ARHGEF11: variants seen among roughly 807,000 people sequenced by gnomAD.
ARHGEF11 encodes the protein Rho guanine nucleotide exchange factor 11.
Under a neutral mutation model 193.7 loss-of-function variants are expected in ARHGEF11, and 55 were observed. The observed-to-expected ratio is 0.28, with a 90% CI of 0.23 to 0.36. ARHGEF11 has a LOEUF of 0.36. Ranked by LOEUF, ARHGEF11 falls within the 10% of genes least tolerant of loss-of-function variation. ARHGEF11 has a pLI of 1.00. For missense variants in ARHGEF11, 1,723 were observed against 2,005.6 expected (o/e 0.86, Z 2.69); for synonymous variants, 693 against 768.0 (o/e 0.90, Z 1.62).
At chr1:156,962,030 C>G (rs1444663784) in intron 13 of ARHGEF11, among the ~76,000 whole-genome samples, 1 of 152,180 alleles carries the variant, frequency 6.6e-6, no homozygotes, top group African/African-American at 2.4e-5. Context: ...ATTTCAGAAA[C>G]CTGTGGTAAA....
At chr1:156,936,480 GAAAAAAAA>G (rs35863393) in intron 40 of ARHGEF11, among the ~76,000 whole-genome samples, 6 of 48,020 alleles carry the variant, frequency 1.2e-4, no homozygotes, top group African/African-American at 3.5e-4. Flanking sequence ...CAAATAAATA[GAAAAAAAA>G]AAAAAAAAAA....
In ARHGEF11 at chr1:156,948,959, G is replaced by A; in HGVS notation, c.1926-461C>T. ...CGGGTCAGCTCCCACCTTTAACTCT[G>A]CCTGAGGCGAACCTCTTTTAAGAGG... On this transcript the variant is annotated intron_variant, in intron 22 of 40. Coordinates refer to ENST00000368194, the MANE Select transcript of ARHGEF11 (RefSeq NM_198236.3). The surrounding 1 kb of genome is among the most constrained non-coding windows in gnomAD (Gnocchi z 4.2). The A allele has an allele frequency of 1.0e-6, 1 of 985,392 alleles. No homozygotes were observed. Among genetic ancestry groups the A allele is most frequent in the Non-Finnish European group, 1.2e-6 (1 of 829,936 alleles). The allele number at this position is 985,392 out of a possible 1,614,324, so 61.0% of individuals were successfully genotyped here. A position where few individuals can be genotyped will look rare whatever the true frequency, so the allele number is the denominator to read the frequency against.
In ARHGEF11 at chr1:156,978,329, T is replaced by C; in HGVS notation, c.385A>G (p.Ile129Val). ...GATGGGTCCTGCTGGAGCCCAGAGATGCCCATGGATGAAGGTGAAGAGCCC... is the reference window on the plus strand; with the variant it reads ...GATGGGTCCTGCTGGAGCCCAGAGACGCCCATGGATGAAGGTGAAGAGCCC... ...LLGSSPSSMG[I>V]SGLQQDPSPA... is the part of the protein sequence containing the mutation. The change falls in exon 6 of 41, where the codon ATC becomes GTC. Residue 129 changes from isoleucine (I) to valine (V), a missense_variant. Physicochemically the swap from Ile to Val is conservative, Grantham distance 29 (BLOSUM62 3). Coordinates refer to ENST00000368194, the MANE Select transcript of ARHGEF11 (RefSeq NM_198236.3). The C allele has an allele frequency of 1.2e-6, 2 of 1,613,870 alleles. No homozygotes were observed. The highest frequency in any genetic ancestry group is 1.7e-6 in the Non-Finnish European group (2 of 1,179,894).
chr1:156,964,206 T>G (rs954078626), intron 11 of ARHGEF11, among the ~76,000 whole-genome samples: 2 of 152,194 alleles, frequency 1.3e-5, no homozygotes, highest in Non-Finnish European at 2.9e-5. Context: ...CTGTCTAAAA[T>G]CCAAATTTCT....
intron 1 of ARHGEF11, among the ~76,000 whole-genome samples, chr1:156,989,927 G>A (rs1262673133): frequency 6.6e-6 from 1 of 151,952 alleles, no homozygotes; most frequent in East Asian, 1.9e-4. Flanking sequence ...CCCTATTTTA[G>A]CCTATATCCC....
chr1:156,951,744 G>A (rs1325003549), intron 21 of ARHGEF11, 45 bp from the exon 22 acceptor site: 3 of 1,611,644 alleles, frequency 1.9e-6, no homozygotes, highest in Non-Finnish European at 2.5e-6. Context: ...TGCTGTTCAG[G>A]GATGGCTTCT....
At chr1:156,967,208 T>C (rs1048444859) in intron 11 of ARHGEF11, among the ~76,000 whole-genome samples, 2 of 152,238 alleles carry the variant, frequency 1.3e-5, no homozygotes, top group African/African-American at 4.8e-5. Context: ...TTCCTTGAGA[T>C]GAATTTAAGT....
At chr1:156,953,298 G>T (rs933429393) in intron 21 of ARHGEF11, among the ~76,000 whole-genome samples, 1 of 152,174 alleles carries the variant, frequency 6.6e-6, no homozygotes, top group African/African-American at 2.4e-5. Flanking sequence ...AATTAGCCAG[G>T]TGTGGTGATA....
In ARHGEF11 at chr1:157,032,610, C is replaced by T. The variant is rs775712018; in HGVS notation, c.32+11689G>A. Among the ~76,000 whole-genome samples, 9 of 152,322 alleles carry T rather than the reference C, an allele frequency of 5.9e-5. No individual in the cohort carries two copies. In the Middle Eastern group the frequency reaches 0.01, roughly 173 times the overall value. ...CTACCTTGAAAAAATTAAAGTCCTA[C>T]CTGACAGGACCAGGAGCGACATTTT... On this transcript the variant is annotated intron_variant, in intron 1 of 40. Transcript: ENST00000368194.
chr1:156,952,094 T>C (rs923028741), intron 21 of ARHGEF11, among the ~76,000 whole-genome samples: 12 of 152,156 alleles, frequency 7.9e-5, no homozygotes, highest in African/African-American at 2.7e-4. Context: ...TTTGGCCATG[T>C]TGCCAAAATA....
intron 1 of ARHGEF11, among the ~76,000 whole-genome samples, chr1:157,000,686 C>T (rs1337113913): frequency 6.6e-6 from 1 of 152,194 alleles, no homozygotes; most frequent in African/African-American, 2.4e-5. Flanking sequence ...TGAGGTTAAA[C>T]CATCAAATGG....
chr1:156,958,299 AGTTC>A (rs1338438674), intron 17 of ARHGEF11, among the ~76,000 whole-genome samples: 1 of 152,242 alleles, frequency 6.6e-6, no homozygotes, highest in Non-Finnish European at 1.5e-5. Flanking sequence ...ATATTGCACT[AGTTC>A]AGTTTTCTGA....
Position 156,936,031 on chromosome 1 carries a change from G to C in ARHGEF11, c.4658C>G (p.Thr1553Arg), listed in dbSNP as rs144132614. Residue 1553 changes from threonine to arginine, a missense_variant, in exon 41 of 41, where the codon ACA (threonine) becomes AGA (arginine). Thr to Arg is a moderately conservative substitution (Grantham distance 71, BLOSUM62 -1). This residue lies in a region of ARHGEF11 where 360 missense variants were observed against 344.4 expected (regional missense o/e 1.05). Coordinates refer to ENST00000368194, the MANE Select transcript of ARHGEF11 (RefSeq NM_198236.3). ...TCCTGGTGACGCGGCTGCGTCTGCT[G>C]TGCTGTCTTCCAGGGGGGCGTCAGA... ...DGSDAPLEDS[T>R]ADAAASPGP The C allele has an allele frequency of 6.2e-7, 1 of 1,614,020 alleles. No individual in the cohort carries two copies. The highest frequency in any genetic ancestry group is 1.3e-5 in the African/African-American group (1 of 75,032).
chr1:156,952,480 A>G (rs924198019), intron 21 of ARHGEF11, among the ~76,000 whole-genome samples: 4 of 152,316 alleles, frequency 2.6e-5, no homozygotes, highest in Non-Finnish European at 5.9e-5. Context: ...GAGCCCATCC[A>G]TATTAGAACA....
At chr1:156,988,240 G>T (rs538619721) in intron 1 of ARHGEF11, among the ~76,000 whole-genome samples, 1 of 152,208 alleles carries the variant, frequency 6.6e-6, no homozygotes, top group Non-Finnish European at 1.5e-5. Flanking sequence ...TGAAAGCAGA[G>T]AGGGTCTTGC....
At chr1:156,984,250 A>C (rs1453988765) in intron 3 of ARHGEF11, 89 bp downstream of exon 3, 8 of 1,065,680 alleles carry the variant, frequency 7.5e-6, no homozygotes, top group Non-Finnish European at 1.1e-5. Flanking sequence ...TTCATGCCCC[A>C]CAGGAAAGCA....
chr1:156,951,893 C>T (rs1476252340), intron 21 of ARHGEF11, among the ~76,000 whole-genome samples, 194 bp from the exon 22 acceptor site: 15 of 152,214 alleles, frequency 9.9e-5, no homozygotes, highest in Admixed American at 8.5e-4. Context: ...GGCAGTCACA[C>T]TACCTTTCTG....
chr1:156,985,181 A>G (rs1664744282), intron 2 of ARHGEF11, among the ~76,000 whole-genome samples: 1 of 152,108 alleles, frequency 6.6e-6, no homozygotes, highest in South Asian at 2.1e-4. Flanking sequence ...GTTAAAACAG[A>G]ACTGGTTTCA....
chr1:156,941,342 G>T (rs1656861660), intron 35 of ARHGEF11, 30 bp downstream of exon 35: 1 of 1,612,438 alleles, frequency 6.2e-7, no homozygotes, highest in Admixed American at 1.7e-5. Context: ...GGCCTGGGCT[G>T]GCTCCCACAG....
Sources: allele counts gnomAD v4.1 joint callset (sites outside exome capture counted in the v4.1 genomes callset), GRCh38; gene constraint gnomAD v4.1.1; regional missense constraint gnomAD v4.1.1; non-coding constraint Gnocchi (gnomAD v3.1); transcripts MANE v1.5; gene names NCBI Gene and HGNC (gene_info 2026-07-23, HGNC 2026-07-21).